Variants in SLC45A1 observed in about 807,000 individuals in gnomAD.
SLC45A1 encodes solute carrier family 45 member 1, also known as proton-associated sugar transporter A.
Under a neutral mutation model 57.6 loss-of-function variants are expected in SLC45A1, and 28 were observed. That is an observed-to-expected ratio of 0.49 (90% CI 0.36 to 0.67). The LOEUF (loss-of-function observed/expected upper bound fraction) is 0.67. SLC45A1 is among the 30% of genes least tolerant of loss of function. SLC45A1 has a pLI of 0.00. For missense variants in SLC45A1, 814 were observed against 1,041.5 expected, an observed-to-expected ratio of 0.78 and a Z score of 3.01; for synonymous variants, 459 against 471.5, an observed-to-expected ratio of 0.97 and a Z score of 0.34.
Position 8,337,815 on chromosome 1 carries a change from G to T in SLC45A1, c.1598-1G>T. 1 of 1,613,226 alleles carries T rather than the reference G, an allele frequency of 6.2e-7. No individual in the cohort carries two copies. Among genetic ancestry groups the T allele is most frequent in the Non-Finnish European group, 8.5e-7 (1 of 1,179,680 alleles). On this transcript the variant is annotated splice_acceptor_variant, in intron 6 of 8. Transcript: ENST00000471889. LOFTEE classifies it high-confidence loss of function. ...GTCATGAACCTCTTTCTTTCTTCCA[G>T]GGTGGCTCTCATTCGAGGGGATGTT...
intron 6 of SLC45A1, among the ~76,000 whole-genome samples, chr1:8,336,556 A>G (rs1241951941): frequency 6.6e-6 from 1 of 152,190 alleles, no homozygotes; most frequent in Non-Finnish European, 1.5e-5. Context: ...CTTACTCAGT[A>G]TTCCATGCAA....
intron 1 of SLC45A1, among the ~76,000 whole-genome samples, chr1:8,320,086 T>C (rs1237280453): frequency 6.6e-6 from 1 of 152,202 alleles, no homozygotes; most frequent in African/African-American, 2.4e-5. Context: ...AATGTAGTTT[T>C]AATAAAAATG....
intron 8 of SLC45A1, among the ~76,000 whole-genome samples, chr1:8,343,000 C>T (rs1372678963): frequency 6.6e-6 from 1 of 152,194 alleles, no homozygotes; most frequent in Non-Finnish European, 1.5e-5. Flanking sequence ...TCAGTTGCCT[C>T]CCCCAGGCCT....
chr1:8,331,115 T>C (rs1377217017), intron 5 of SLC45A1, among the ~76,000 whole-genome samples, 179 bp downstream of exon 5: 1 of 152,092 alleles, frequency 6.6e-6, no homozygotes, highest in African/African-American at 2.4e-5. Flanking sequence ...GTGGCTCAAG[T>C]TTGTAGTCCC....
intron 5 of SLC45A1, among the ~76,000 whole-genome samples, chr1:8,333,850 AGGCATGCGCAGGCCTCACAG>A (rs1283925039): frequency 6.6e-6 from 1 of 152,218 alleles, no homozygotes. Flanking sequence ...GACACTGCCC[AGGCATGCGCAGGCCTCACAG>A]GGACATCTGT....
rs1569935514 is a variant in SLC45A1 at position 8,325,724 on chromosome 1, C to A, written c.491-94C>A. ...GCTTGAGGTTTAAGTTTTAAAAATT[C>A]TTGAGTCCTAAAGATTCTAGACATA... On this transcript the variant is annotated intron_variant, in intron 3 of 8. Coordinates refer to ENST00000471889, the MANE Select transcript of SLC45A1 (RefSeq NM_001080397.3). The surrounding 1 kb of genome is among the most constrained non-coding windows in gnomAD (Gnocchi z 6.3). 2.5e-6 allele frequency: 3 copies of A among 1,195,660 alleles called. No individual in the cohort carries two copies. Among genetic ancestry groups the A allele is most frequent in the East Asian group, 2.5e-5 (1 of 39,512 alleles). 74.1% of individuals were successfully genotyped at this position (1,195,660 alleles called of 1,614,324 possible).
intron 1 of SLC45A1, among the ~76,000 whole-genome samples, chr1:8,318,502 C>G (rs1476971316): frequency 2.0e-5 from 3 of 152,228 alleles, no homozygotes; most frequent in Non-Finnish European, 4.4e-5. Flanking sequence ...GAGGCCTGGT[C>G]CCTAGTCACC....
In SLC45A1 at chr1:8,324,475, A is replaced by C; in HGVS notation, c.146A>C (p.His49Pro). 1 of 1,611,706 alleles carries C rather than the reference A, an allele frequency of 6.2e-7. No homozygotes were observed. Among genetic ancestry groups the C allele is most frequent in the Non-Finnish European group, 8.5e-7 (1 of 1,179,712 alleles). ...LSHRANNFKR[H>P]PKRRKCIRPS... ...CACCGGGCCAACAACTTCAAACGAC[A>C]CCCCAAGAGGAGGAAGTGCATTCGT... The change falls in exon 2 of 9, where the codon CAC becomes CCC. Residue 49 changes from histidine to proline, a missense_variant. Physicochemically the swap from His to Pro is moderately conservative, Grantham distance 77. Coordinates refer to ENST00000471889, the MANE Select transcript of SLC45A1 (RefSeq NM_001080397.3).
At chr1:8,338,291 C>T (rs918687870) in intron 7 of SLC45A1, among the ~76,000 whole-genome samples, 1 of 152,254 alleles carries the variant, frequency 6.6e-6, no homozygotes, top group Non-Finnish European at 1.5e-5. Context: ...GGGGGAACCC[C>T]AAGGCCACAC....
In SLC45A1 at chr1:8,335,490, C is replaced by T. The variant is rs759440916; in HGVS notation, c.1497C>T (p.Ser499=). 6.2e-7 allele frequency: 1 copy of T among 1,602,358 alleles called. No individual in the cohort carries two copies. Among genetic ancestry groups the T allele is most frequent in the Non-Finnish European group, 8.5e-7 (1 of 1,179,650 alleles). Residue 499 remains serine (S), a synonymous_variant, in exon 6 of 9, where the codon TCC becomes TCT. Coordinates refer to ENST00000471889, the MANE Select transcript of SLC45A1 (RefSeq NM_001080397.3). The surrounding 1 kb of genome is among the most constrained non-coding windows in gnomAD (Gnocchi z 4.1). ...AGTATGAGAGCGAGCTGACGGGCTC[C>T]AGCGAGCGCGCGGAGCAGCCTCTGT... ...GVKYESELTG[S]SERAEQPLSV... is the part of the protein sequence containing the mutation.
At chr1:8,331,878 T>C (rs924720793) in intron 5 of SLC45A1, among the ~76,000 whole-genome samples, 13 of 151,682 alleles carry the variant, frequency 8.6e-5, no homozygotes, top group Middle Eastern at 3.4e-3. Context: ...CTGCAAGCTC[T>C]GCCTCCCGGG....
At position 8,335,341 on chromosome 1, in the gene SLC45A1, G is replaced by A. The variant is rs1569960837; in HGVS notation, c.1444-96G>A. On this transcript the variant is annotated intron_variant, in intron 5 of 8. Coordinates refer to ENST00000471889, the MANE Select transcript of SLC45A1 (RefSeq NM_001080397.3). The surrounding 1 kb of genome is among the most constrained non-coding windows in gnomAD (Gnocchi z 4.1). ...AGACAGACCCTTGCAGCCTCCGTGC[G>A]GTGTTTCCGAGAGCGCATTCCCCTG... 13 of 1,212,156 alleles carry A rather than the reference G, an allele frequency of 1.1e-5. No individual in the cohort carries two copies. The highest frequency in any genetic ancestry group is 5.4e-5 in the Admixed American group (2 of 36,720). The allele number at this position is 1,212,156 out of a possible 1,614,324, so 75.1% of individuals were successfully genotyped here. A position where few individuals can be genotyped will look rare whatever the true frequency, so the allele number is the denominator to read the frequency against.
chr1:8,327,685 T>C lies in SLC45A1; in HGVS notation c.715+1643T>C, dbSNP rs895405607. ...AATAAATAACTCTAGCTTGTCTATA[T>C]AAAATACTTGCCTTGTTACAGAATA... On this transcript the variant is annotated intron_variant, in intron 4 of 8. Coordinates refer to ENST00000471889, the MANE Select transcript of SLC45A1 (RefSeq NM_001080397.3). The surrounding 1 kb of genome is among the most constrained non-coding windows in gnomAD (Gnocchi z 4.3). Among the ~76,000 whole-genome samples the C allele has an allele frequency of 1.3e-5, 2 of 152,140 alleles. No homozygotes were observed. The highest frequency in any genetic ancestry group is 4.8e-5 in the African/African-American group (2 of 41,448).
rs1640123342 is a variant in SLC45A1 at position 8,324,311 on chromosome 1, C to A, written c.-19C>A. On this transcript the variant is annotated 5_prime_UTR_variant, in exon 2 of 9. Coordinates refer to ENST00000471889, the MANE Select transcript of SLC45A1 (RefSeq NM_001080397.3). ...CCCACGGGCTTTCCTCACAGGGACG[C>A]CCACCAGCCCTCCCCACGATGATCC... The A allele has an allele frequency of 6.2e-7, 1 of 1,606,180 alleles. No homozygotes were observed. The highest frequency in any genetic ancestry group is 1.7e-5 in the Admixed American group (1 of 59,758).
chr1:8,342,241 A>C (rs1640849527), intron 8 of SLC45A1, among the ~76,000 whole-genome samples: 1 of 152,196 alleles, frequency 6.6e-6, no homozygotes, highest in Non-Finnish European at 1.5e-5. Flanking sequence ...AAAGTGCCTT[A>C]AATTTTTGTT....
chr1:8,337,328 G>A (rs879274403), intron 6 of SLC45A1, among the ~76,000 whole-genome samples: 3 of 152,216 alleles, frequency 2.0e-5, no homozygotes, highest in Non-Finnish European at 2.9e-5. Context: ...TCCCGCCCAC[G>A]ACACACAGGG....
chr1:8,330,870 C>A lies in SLC45A1; in HGVS notation c.1377C>A (p.Ile459=). 6.2e-7 allele frequency: 1 copy of A among 1,608,184 alleles called. No homozygotes were observed. Among genetic ancestry groups the A allele is most frequent in the Non-Finnish European group, 8.5e-7 (1 of 1,175,900 alleles). ...TGAAGAGACCTCAGACCTTGGCCAT[C>A]CCGGACGCAGCCGGAGGAGGGGGTC... ...GILKRPQTLA[I]PDAAGGGGPE... The change falls in exon 5 of 9, where the codon ATC becomes ATA. Residue 459 remains isoleucine, a synonymous_variant. Transcript: ENST00000471889. The surrounding 1 kb of genome is among the most constrained non-coding windows in gnomAD (Gnocchi z 8.4).
At chr1:8,338,029 G>A (rs1000653006) in intron 7 of SLC45A1, 37 bp downstream of exon 7, 1 of 1,599,158 alleles carries the variant, frequency 6.3e-7, no homozygotes, top group Non-Finnish European at 8.5e-7. Context: ...GGCAGTGAGA[G>A]CTTTGGTTGG....
rs767418079 is a variant in SLC45A1 at position 8,329,695 on chromosome 1, G to T, written c.716-514G>T. Among the ~76,000 whole-genome samples, 15 of 152,310 alleles carry T rather than the reference G, an allele frequency of 9.8e-5. No homozygotes were observed. In the Middle Eastern group the frequency reaches 0.017, roughly 173 times the overall value. On this transcript the variant is annotated intron_variant, in intron 4 of 8. Coordinates refer to ENST00000471889, the MANE Select transcript of SLC45A1 (RefSeq NM_001080397.3). The stretch of plus-strand genomic sequence containing the variant: ...GCTGTAGGCTGATAGCTCAGAGATC[G>T]GAGAGCTGCCTGCCAGGGTGTGGGG...
Sources: gnomAD v4.1 joint callset for allele counts (sites outside exome capture counted in the v4.1 genomes callset) on GRCh38, gnomAD v4.1.1 for gene constraint, Gnocchi (gnomAD v3.1) non-coding constraint, MANE v1.5 for transcripts, NCBI Gene and HGNC (gene_info 2026-07-23, HGNC 2026-07-21) for gene names.